Variants in SLC7A11 observed in about 807,000 individuals in gnomAD.
SLC7A11 encodes solute carrier family 7 member 11.
Under a neutral mutation model 54.5 loss-of-function variants are expected in SLC7A11, and 35 were observed. The observed-to-expected ratio is 0.64, with a 90% CI of 0.49 to 0.85. SLC7A11 has a LOEUF of 0.85. SLC7A11 is among the 40% of genes least tolerant of loss of function. The pLI, the probability that SLC7A11 is intolerant of heterozygous loss-of-function variation, is 0.00. For missense variants in SLC7A11, 583 were observed against 618.1 expected (o/e 0.94, Z 0.60); for synonymous variants, 230 against 225.2 (o/e 1.02, Z -0.19).
intron 6 of SLC7A11, among the ~76,000 whole-genome samples, chr4:138,192,059 G>A (rs1461613062): frequency 6.6e-6 from 1 of 151,812 alleles, no homozygotes; most frequent in African/African-American, 2.4e-5. Flanking sequence ...TCAGGATTTG[G>A]TCTACACAAC....
chr4:138,225,138 CTATATATATATATATATATATA>C (rs36216785), intron 3 of SLC7A11, among the ~76,000 whole-genome samples: 1 of 118,342 alleles, frequency 8.5e-6, no homozygotes, highest in African/African-American at 3.0e-5. Context: ...AATAATTTCA[CTATATATATATATATATATATA>C]TATATATATA....
intron 3 of SLC7A11, among the ~76,000 whole-genome samples, chr4:138,229,273 C>T (rs1738018515): frequency 1.3e-5 from 2 of 152,010 alleles, no homozygotes; most frequent in African/African-American, 4.8e-5. Context: ...AGAGATTTGC[C>T]CCTAGATAAA....
In SLC7A11 at chr4:138,169,179, GTA is replaced by G. The variant is rs1736346656; in HGVS notation, c.*2775_*2776del. On this transcript the variant is annotated 3_prime_UTR_variant, in exon 12 of 12. Coordinates refer to ENST00000280612, the MANE Select transcript of SLC7A11 (RefSeq NM_014331.4). Reference sequence around the variant, plus strand: ...AACATGTAGTAAGTAGTATGTGCATGTATGTGTGTGTGTGCATATCGTATAAA... The same window carrying G: ...AACATGTAGTAAGTAGTATGTGCATGTGTGTGTGTGTGCATATCGTATAAA... The G allele has an allele frequency of 6.6e-6, 1 of 152,048 alleles. No individual in the cohort carries two copies. The highest frequency in any genetic ancestry group is 2.4e-5 in the African/African-American group (1 of 41,434). 9.4% of individuals were successfully genotyped at this position (152,048 alleles called of 1,614,324 possible). A position where few individuals can be genotyped will look rare whatever the true frequency, so the allele number is the denominator to read the frequency against.
rs1164096477 is a variant in SLC7A11 at position 138,170,226 on chromosome 4, T to TATAA, written c.*1726_*1729dup. On this transcript the variant is annotated 3_prime_UTR_variant, in exon 12 of 12. Coordinates refer to ENST00000280612, the MANE Select transcript of SLC7A11 (RefSeq NM_014331.4). ...TCCACTATATATATATATATATATATATAAAAAGTGTGTGTGTGTGTGTGT... is the reference window on the plus strand; with the variant it reads ...TCCACTATATATATATATATATATATATAAATAAAAAGTGTGTGTGTGTGTGTGT... 8.0e-6 allele frequency: 1 copy of TATAA among 125,572 alleles called. No individual in the cohort carries two copies. Among genetic ancestry groups the TATAA allele is most frequent in the Non-Finnish European group, 1.7e-5 (1 of 59,260 alleles). The allele number at this position is 125,572 out of a possible 1,614,324, so 7.8% of individuals were successfully genotyped here. A position where few individuals can be genotyped will look rare whatever the true frequency, so the allele number is the denominator to read the frequency against.
intron 6 of SLC7A11, among the ~76,000 whole-genome samples, chr4:138,204,468 T>C (rs1049564128): frequency 6.6e-6 from 1 of 152,100 alleles, no homozygotes; most frequent in Non-Finnish European, 1.5e-5. Context: ...AGTGGACTTG[T>C]ATTTGTATTC....
At chr4:138,207,013 C>A (rs4389620) in intron 6 of SLC7A11, among the ~76,000 whole-genome samples, 98,618 of 132,654 alleles carry the variant, frequency 0.74, 36,294 homozygotes, top group Middle Eastern at 0.84. Flanking sequence ...AAAAAAAAAA[C>A]CCCCAGAGGG....
intron 6 of SLC7A11, among the ~76,000 whole-genome samples, chr4:138,196,848 C>A (rs572090002): frequency 6.6e-6 from 1 of 152,064 alleles, no homozygotes; most frequent in African/African-American, 2.4e-5. Context: ...TTAGTAGAGA[C>A]AGGGTTTCAC....
chr4:138,175,282 T>G (rs1007149449), intron 11 of SLC7A11, among the ~76,000 whole-genome samples: 2 of 152,192 alleles, frequency 1.3e-5, no homozygotes, highest in African/African-American at 4.8e-5. Flanking sequence ...TGCTGGTGTT[T>G]CCCAGTCTGA....
In SLC7A11 at chr4:138,164,484, C is replaced by T. The variant is rs1736202548; in HGVS notation, c.*7472G>A. The T allele has an allele frequency of 6.6e-6, 1 of 152,144 alleles. No individual in the cohort carries two copies. Among genetic ancestry groups the T allele is most frequent in the Non-Finnish European group, 1.5e-5 (1 of 68,000 alleles). The allele number at this position is 152,144 out of a possible 1,614,324, so 9.4% of individuals were successfully genotyped here. A position where few individuals can be genotyped will look rare whatever the true frequency, so the allele number is the denominator to read the frequency against. ...ACATATCACATGCTTGTGCAGGCAT[C>T]AGTGCTAGGAACCCTAAGAAACAAC... is the stretch of plus-strand genomic sequence containing the variant. On this transcript the variant is annotated 3_prime_UTR_variant, in exon 12 of 12. Transcript: ENST00000280612.
chr4:138,176,331 A>G (rs1306001962), intron 11 of SLC7A11: 1 of 152,152 alleles, frequency 6.6e-6, no homozygotes, highest in African/African-American at 2.4e-5. Context: ...GTAAGACTTA[A>G]TGGCATTTTT....
chr4:138,233,877 T>A (rs1008965711), intron 2 of SLC7A11, among the ~76,000 whole-genome samples: 14 of 152,184 alleles, frequency 9.2e-5, no homozygotes, highest in Admixed American at 9.2e-4. Context: ...AGGATATGAA[T>A]CTTCTCTGCC....
At chr4:138,204,719 T>C (rs1191650586) in intron 6 of SLC7A11, among the ~76,000 whole-genome samples, 8 of 143,118 alleles carry the variant, frequency 5.6e-5, no homozygotes, top group Non-Finnish European at 1.2e-4. Context: ...ATACAAATAT[T>C]TGGTTAAGAA....
intron 6 of SLC7A11, among the ~76,000 whole-genome samples, chr4:138,202,246 T>C (rs1737303828): frequency 6.6e-6 from 1 of 152,044 alleles, no homozygotes; most frequent in South Asian, 2.1e-4. Context: ...TTAACAAGCA[T>C]TTTTAAAATC....
chr4:138,189,668 A>G (rs1011905900), intron 6 of SLC7A11, among the ~76,000 whole-genome samples: 1 of 152,176 alleles, frequency 6.6e-6, no homozygotes, highest in African/African-American at 2.4e-5. Context: ...CTTCACATCT[A>G]ATAGTAGAAA....
At position 138,179,227 on chromosome 4, in the gene SLC7A11, T is replaced by C; in HGVS notation, c.1434A>G (p.Arg478=). The C allele has an allele frequency of 6.2e-7, 1 of 1,607,782 alleles. No homozygotes were observed. The highest frequency in any genetic ancestry group is 8.5e-7 in the Non-Finnish European group (1 of 1,174,850). ...ATTTAAAATTCTTACCCGACATTAT[T>C]CTAAACCACCTGGGTTTCTTGTCCC... ...IIWDKKPRWF[R]IMSEKITRTL... Residue 478 remains arginine (R), a synonymous_variant, in exon 11 of 12, where the codon AGA becomes AGG. Coordinates refer to ENST00000280612, the MANE Select transcript of SLC7A11 (RefSeq NM_014331.4).
intron 10 of SLC7A11, among the ~76,000 whole-genome samples, chr4:138,179,644 T>C (rs1736672468): frequency 6.6e-6 from 1 of 152,142 alleles, no homozygotes; most frequent in Admixed American, 6.6e-5. Context: ...GAACAAACTC[T>C]AAGGACAAAA....
chr4:138,191,196 G>A (rs899375559), intron 6 of SLC7A11, among the ~76,000 whole-genome samples: 2 of 152,172 alleles, frequency 1.3e-5, no homozygotes, highest in Non-Finnish European at 2.9e-5. Context: ...GCTGAACAAA[G>A]TGATGGGCCG....
At chr4:138,212,082 T>C (rs577664533) in intron 6 of SLC7A11, among the ~76,000 whole-genome samples, 7 of 151,994 alleles carry the variant, frequency 4.6e-5, no homozygotes, top group Admixed American at 4.6e-4. Flanking sequence ...TACCCAATTA[T>C]CCTGATTTGA....
intron 5 of SLC7A11, among the ~76,000 whole-genome samples, chr4:138,217,066 TA>T (rs946563477): frequency 1.5e-4 from 23 of 152,310 alleles, no homozygotes; most frequent in African/African-American, 5.3e-4. Flanking sequence ...ATATTTTTTC[TA>T]AACACAGCTT....
Sources: allele counts gnomAD v4.1 joint callset (sites outside exome capture counted in the v4.1 genomes callset), GRCh38; gene constraint gnomAD v4.1.1; transcripts MANE v1.5; gene names NCBI Gene and HGNC (gene_info 2026-07-23, HGNC 2026-07-21).